The following TPPP3 variants were observed in gnomAD, a reference collection of about 807,000 sequenced individuals.
TPPP3 encodes the protein tubulin polymerization promoting protein family member 3, also known as tubulin polymerization-promoting protein family member 3.
Under a neutral mutation model 13.1 loss-of-function variants are expected in TPPP3, and 7 were observed. The ratio of observed to expected loss-of-function variants is 0.54; its 90% confidence interval spans 0.30 to 1.01. The LOEUF (loss-of-function observed/expected upper bound fraction) is 1.01. Ranked by LOEUF, TPPP3 falls within the 50% of genes least tolerant of loss-of-function variation. TPPP3 has a pLI of 0.06. For synonymous variants in TPPP3, 87 were observed against 93.7 expected (o/e 0.93, Z 0.41); for missense variants, 185 against 235.0 (o/e 0.79, Z 1.39).
chr16:67,390,554 C>G lies in TPPP3; in HGVS notation c.267G>C (p.Gly89=). ...CATCGAAGGCCTCCTCCTTGCTCTT[C>G]CCCTTGAATCTCTTGGTCGCCAGCT... The part of the protein sequence containing the change: ...LEELATKRFK[G]KSKEEAFDAI... The change falls in exon 3 of 4, where the codon GGG becomes GGC. Residue 89 remains glycine (G), a synonymous_variant. Coordinates refer to ENST00000393957, the MANE Select transcript of TPPP3 (RefSeq NM_015964.4). This position sits in a 1 kb window ranked among gnomAD's most constrained non-coding sequence, Gnocchi z 6.4. 1 of 1,614,040 alleles carries G rather than the reference C, an allele frequency of 6.2e-7. No homozygotes were observed. The highest frequency in any genetic ancestry group is 8.5e-7 in the Non-Finnish European group (1 of 1,180,024).
rs1201523269 is a variant in TPPP3, at chr16:67,390,518, CT to C, written c.302del (p.Gln101ArgfsTer22). 1 of 1,613,904 alleles carries C rather than the reference CT, an allele frequency of 6.2e-7. No individual in the cohort carries two copies. The highest frequency in any genetic ancestry group is 8.5e-7 in the Non-Finnish European group (1 of 1,180,022). ...TGGCTGGCTCTTTGCCTGCCACCAG[CT>C]GGCAGATGGCATCGAAGGCCTCCTC... ...SKEEAFDAICQLVAGKEPANV... is the reference protein window; with the variant it reads ...SKEEAFDAICXLVAGKEPANV... On this transcript the variant is annotated frameshift_variant, in exon 3 of 4. Transcript: ENST00000393957. LOFTEE classifies it high-confidence loss of function. The surrounding 1 kb of genome is among the most constrained non-coding windows in gnomAD (Gnocchi z 6.4).
chr16:67,390,904 A>C lies in TPPP3; in HGVS notation c.188+20T>G. The C allele has an allele frequency of 6.2e-7, 1 of 1,608,450 alleles. No homozygotes were observed. Among genetic ancestry groups the C allele is most frequent in the Non-Finnish European group, 8.5e-7 (1 of 1,175,668 alleles). ...CCCACCTCCTGGGAACATGAGAAGC[A>C]GGGGCTGCTTAGGGCTCACTTGACT... is the stretch of plus-strand genomic sequence containing the variant. On this transcript the variant is annotated intron_variant, in intron 2 of 3. Coordinates refer to ENST00000393957, the MANE Select transcript of TPPP3 (RefSeq NM_015964.4). The surrounding 1 kb of genome is among the most constrained non-coding windows in gnomAD (Gnocchi z 6.4).
At position 67,391,406 on chromosome 16, in the gene TPPP3, A is replaced by G; in HGVS notation, c.-6-289T>C. 1 of 345,580 alleles carries G rather than the reference A, an allele frequency of 2.9e-6. No individual in the cohort carries two copies. Among genetic ancestry groups the G allele is most frequent in the Non-Finnish European group, 5.3e-6 (1 of 187,622 alleles). 21.4% of individuals were successfully genotyped at this position (345,580 alleles called of 1,614,324 possible). A position where few individuals can be genotyped will look rare whatever the true frequency, so the allele number is the denominator to read the frequency against. On this transcript the variant is annotated intron_variant, in intron 1 of 3. Transcript: ENST00000393957. This position sits in a 1 kb window ranked among gnomAD's most constrained non-coding sequence, Gnocchi z 6.3. The stretch of plus-strand genomic sequence containing the variant: ...CAGGGAACAGAGTGGCACTGTCCAG[A>G]AAGACTGTTAGGGCAGCAGCTGGGG...
rs2040353407 is a variant in TPPP3, at chr16:67,393,340, A to G, written c.-7+40T>C. The G allele has an allele frequency of 4.4e-5, 43 of 985,410 alleles. No individual in the cohort carries two copies. The highest frequency in any genetic ancestry group is 4.7e-5 in the Non-Finnish European group (39 of 829,970). The allele number at this position is 985,410 out of a possible 1,614,324, so 61.0% of individuals were successfully genotyped here. A position where few individuals can be genotyped will look rare whatever the true frequency, so the allele number is the denominator to read the frequency against. On this transcript the variant is annotated intron_variant, in intron 1 of 3. Transcript: ENST00000393957. This position sits in a 1 kb window ranked among gnomAD's most constrained non-coding sequence, Gnocchi z 5.4. ...CCAACCCTCATCGTGCAGGATACTG[A>G]TTGGGGTGGCGGGCATCTGGGTCTC...
rs1171376095 is a variant in TPPP3, at chr16:67,391,657, A to G, written c.-6-540T>C. On this transcript the variant is annotated intron_variant, in intron 1 of 3. Transcript: ENST00000393957. The surrounding 1 kb of genome is among the most constrained non-coding windows in gnomAD (Gnocchi z 6.3). ...CCCTGGGCAGGGGTGCAGCTGGTCCAGCAAGGCCTTGTTACTATTTGCTGT... is the reference window on the plus strand; with the variant it reads ...CCCTGGGCAGGGGTGCAGCTGGTCCGGCAAGGCCTTGTTACTATTTGCTGT... 1 of 154,274 alleles carries G rather than the reference A, an allele frequency of 6.5e-6. No individual in the cohort carries two copies. The highest frequency in any genetic ancestry group is 1.4e-5 in the Non-Finnish European group (1 of 69,550). 9.6% of individuals were successfully genotyped at this position (154,274 alleles called of 1,614,324 possible). A position where few individuals can be genotyped will look rare whatever the true frequency, so the allele number is the denominator to read the frequency against.
In TPPP3 at chr16:67,390,873, C is replaced by T. The variant is rs759653556; in HGVS notation, c.188+51G>A. On this transcript the variant is annotated intron_variant, in intron 2 of 3. Transcript: ENST00000393957. The surrounding 1 kb of genome is among the most constrained non-coding windows in gnomAD (Gnocchi z 6.4). ...GATGTCCTCCCTGGTTCCAGCCCCC[C>T]AGTTCCCCACCTCCTGGGAACATGA... 7 of 1,576,666 alleles carry T rather than the reference C, an allele frequency of 4.4e-6. No homozygotes were observed. The highest frequency in any genetic ancestry group is 1.1e-5 in the South Asian group (1 of 86,976).
Position 67,390,648 on chromosome 16 carries a change from G to A in TPPP3, c.189-16C>T, listed in dbSNP as rs1174368574. On this transcript the variant is annotated splice_polypyrimidine_tract_variant and intron_variant, in intron 2 of 3. Coordinates refer to ENST00000393957, the MANE Select transcript of TPPP3 (RefSeq NM_015964.4). This position sits in a 1 kb window ranked among gnomAD's most constrained non-coding sequence, Gnocchi z 6.4. ...AGACTTCCCCCTGACAGGCATGTGG[G>A]CACCATGAGGGTTCCCCTTTCTTTT... The A allele has an allele frequency of 6.2e-7, 1 of 1,603,932 alleles. No homozygotes were observed. The highest frequency in any genetic ancestry group is 1.1e-5 in the South Asian group (1 of 89,760).
chr16:67,390,334 C>T lies in TPPP3; in HGVS notation c.371G>A (p.Arg124Gln), dbSNP rs372034237. 3.7e-6 allele frequency: 6 copies of T among 1,614,008 alleles called. No homozygotes were observed. Among genetic ancestry groups the T allele is most frequent in the Non-Finnish European group, 5.1e-6 (6 of 1,179,988 alleles). ...CGTGTATCTGCTGGTGTCCGTCAGCCGGTCTACAGCACCCCCTGTTTTTGC... is the reference window on the plus strand; with the variant it reads ...CGTGTATCTGCTGGTGTCCGTCAGCTGGTCTACAGCACCCCCTGTTTTTGC... The part of the protein sequence containing the change: ...TKAKTGGAVD[R>Q]LTDTSRYTGS... Residue 124 changes from arginine to glutamine, a missense_variant, in exon 4 of 4, where the codon CGG (arginine) becomes CAG (glutamine). Arg to Gln is a conservative substitution (Grantham distance 43, BLOSUM62 1). Transcript: ENST00000393957. The surrounding 1 kb of genome is among the most constrained non-coding windows in gnomAD (Gnocchi z 6.4).
In TPPP3 at chr16:67,392,322, C is replaced by G. The variant is rs1365615725; in HGVS notation, c.-7+1058G>C. On this transcript the variant is annotated intron_variant, in intron 1 of 3. Transcript: ENST00000393957. The surrounding 1 kb of genome is among the most constrained non-coding windows in gnomAD (Gnocchi z 4.9). ...AGCACTAAAGTGCCCCCCACACCCA[C>G]AGCCCTCCGCTGCAGACCCCTGGCC... Among the ~76,000 whole-genome samples, 1 of 151,708 alleles carries G rather than the reference C, an allele frequency of 6.6e-6. No individual in the cohort carries two copies. The highest frequency in any genetic ancestry group is 1.5e-5 in the Non-Finnish European group (1 of 67,888).
Position 67,391,241 on chromosome 16 carries a change from T to C in TPPP3, c.-6-124A>G. On this transcript the variant is annotated intron_variant, in intron 1 of 3. Coordinates refer to ENST00000393957, the MANE Select transcript of TPPP3 (RefSeq NM_015964.4). The surrounding 1 kb of genome is among the most constrained non-coding windows in gnomAD (Gnocchi z 6.3). ...GCAGGTTCTGCTACAGAGTTGGTGC[T>C]GGAGCTGCCTGGGGAGAGGGGCCCG... 2.0e-6 allele frequency: 2 copies of C among 1,006,096 alleles called. No individual in the cohort carries two copies. Among genetic ancestry groups the C allele is most frequent in the Non-Finnish European group, 2.9e-6 (2 of 695,004 alleles). The allele number at this position is 1,006,096 out of a possible 1,614,324, so 62.3% of individuals were successfully genotyped here. A position where few individuals can be genotyped will look rare whatever the true frequency, so the allele number is the denominator to read the frequency against.
Position 67,392,784 on chromosome 16 carries a change from A to G in TPPP3, c.-7+596T>C, listed in dbSNP as rs1281230462. On this transcript the variant is annotated intron_variant, in intron 1 of 3. Transcript: ENST00000393957. This position sits in a 1 kb window ranked among gnomAD's most constrained non-coding sequence, Gnocchi z 4.9. The stretch of plus-strand genomic sequence containing the variant: ...TGCCCGGCTGCCCCATCTTCCACCA[A>G]AAACTCCTCGCCAGTGACCACACTC... Among the ~76,000 whole-genome samples, 1 of 151,998 alleles carries G rather than the reference A, an allele frequency of 6.6e-6. No individual in the cohort carries two copies. The highest frequency in any genetic ancestry group is 2.4e-5 in the African/African-American group (1 of 41,338).
In TPPP3 at chr16:67,392,830, C is replaced by G. The variant is rs1288348599; in HGVS notation, c.-7+550G>C. On this transcript the variant is annotated intron_variant, in intron 1 of 3. Transcript: ENST00000393957. This position sits in a 1 kb window ranked among gnomAD's most constrained non-coding sequence, Gnocchi z 4.9. ...CACTCCCATCCCTAAGTGGCAGTTT[C>G]TGGGACTGTGAGCACCGGTGGTTCC... The G allele has an allele frequency of 2.6e-6, 1 of 378,992 alleles. No individual in the cohort carries two copies. The highest frequency in any genetic ancestry group is 3.6e-6 in the Non-Finnish European group (1 of 275,444). 23.5% of individuals were successfully genotyped at this position (378,992 alleles called of 1,614,324 possible).
At position 67,392,310 on chromosome 16, in the gene TPPP3, C is replaced by T. The variant is rs1347014449; in HGVS notation, c.-7+1070G>A. On this transcript the variant is annotated intron_variant, in intron 1 of 3. Coordinates refer to ENST00000393957, the MANE Select transcript of TPPP3 (RefSeq NM_015964.4). This position sits in a 1 kb window ranked among gnomAD's most constrained non-coding sequence, Gnocchi z 4.9. Reference sequence around the variant, plus strand: ...TACCCACAGTCCAGCACTAAAGTGCCCCCCACACCCACAGCCCTCCGCTGC... The same window carrying T: ...TACCCACAGTCCAGCACTAAAGTGCTCCCCACACCCACAGCCCTCCGCTGC... Among the ~76,000 whole-genome samples, 1 of 151,736 alleles carries T rather than the reference C, an allele frequency of 6.6e-6. No individual in the cohort carries two copies. Among genetic ancestry groups the T allele is most frequent in the Non-Finnish European group, 1.5e-5 (1 of 67,894 alleles).
In TPPP3 at chr16:67,391,173, GC is replaced by G; in HGVS notation, c.-6-57del. On this transcript the variant is annotated intron_variant, in intron 1 of 3. Coordinates refer to ENST00000393957, the MANE Select transcript of TPPP3 (RefSeq NM_015964.4). This position sits in a 1 kb window ranked among gnomAD's most constrained non-coding sequence, Gnocchi z 6.3. Reference sequence around the variant, plus strand: ...CCAATCTGCCCTTCCCCTCCCCCAAGCCCAGAACATCCCAGCCTCTACCTCA... The same window carrying G: ...CCAATCTGCCCTTCCCCTCCCCCAAGCCAGAACATCCCAGCCTCTACCTCA... 1 of 1,554,154 alleles carries G rather than the reference GC, an allele frequency of 6.4e-7. No homozygotes were observed.
chr16:67,390,430 A>G lies in TPPP3; in HGVS notation c.342+49T>C. 6.2e-7 allele frequency: 1 copy of G among 1,606,552 alleles called. No individual in the cohort carries two copies. On this transcript the variant is annotated intron_variant, in intron 3 of 3. Coordinates refer to ENST00000393957, the MANE Select transcript of TPPP3 (RefSeq NM_015964.4). The surrounding 1 kb of genome is among the most constrained non-coding windows in gnomAD (Gnocchi z 6.4). ...CCAGCCCTTCCCACCCACAGCCACG[A>G]TTCCCCACACCCCATTCCGTGGCCA...
rs561708018 is a variant in TPPP3 at position 67,392,582 on chromosome 16, C to G, written c.-7+798G>C. Among the ~76,000 whole-genome samples, 1 of 152,254 alleles carries G rather than the reference C, an allele frequency of 6.6e-6. No homozygotes were observed. Among genetic ancestry groups the G allele is most frequent in the East Asian group, 1.9e-4 (1 of 5,178 alleles). On this transcript the variant is annotated intron_variant, in intron 1 of 3. Transcript: ENST00000393957. The surrounding 1 kb of genome is among the most constrained non-coding windows in gnomAD (Gnocchi z 4.9). ...AGCCTGCACTGAAGGCCCCAGTCCA[C>G]ATCCACACACTAACATTATAAGACT...
At position 67,390,798 on chromosome 16, in the gene TPPP3, G is replaced by T; in HGVS notation, c.188+126C>A. ...CTGGAGGGCAATAGATATAAGGTTT[G>T]CCCTGGAAGAACGACCTTCGTGATC... On this transcript the variant is annotated intron_variant, in intron 2 of 3. Transcript: ENST00000393957. This position sits in a 1 kb window ranked among gnomAD's most constrained non-coding sequence, Gnocchi z 6.4. 3 of 1,402,312 alleles carry T rather than the reference G, an allele frequency of 2.1e-6. No homozygotes were observed. The highest frequency in any genetic ancestry group is 2.9e-6 in the Non-Finnish European group (3 of 1,046,076). The allele number at this position is 1,402,312 out of a possible 1,614,324, so 86.9% of individuals were successfully genotyped here.
chr16:67,390,645 T>C lies in TPPP3; in HGVS notation c.189-13A>G, dbSNP rs769315448. On this transcript the variant is annotated splice_polypyrimidine_tract_variant and intron_variant, in intron 2 of 3. Coordinates refer to ENST00000393957, the MANE Select transcript of TPPP3 (RefSeq NM_015964.4). The surrounding 1 kb of genome is among the most constrained non-coding windows in gnomAD (Gnocchi z 6.4). ...AGCAGACTTCCCCCTGACAGGCATG[T>C]GGGCACCATGAGGGTTCCCCTTTCT... The C allele has an allele frequency of 3.1e-6, 5 of 1,608,130 alleles. No individual in the cohort carries two copies. The highest frequency in any genetic ancestry group is 1.3e-5 in the African/African-American group (1 of 74,834).
chr16:67,390,400 G>A lies in TPPP3; in HGVS notation c.343-38C>T, dbSNP rs1361366345. The A allele has an allele frequency of 6.2e-7, 1 of 1,608,790 alleles. No homozygotes were observed. Among genetic ancestry groups the A allele is most frequent in the Non-Finnish European group, 8.5e-7 (1 of 1,175,892 alleles). On this transcript the variant is annotated intron_variant, in intron 3 of 3. Coordinates refer to ENST00000393957, the MANE Select transcript of TPPP3 (RefSeq NM_015964.4). This position sits in a 1 kb window ranked among gnomAD's most constrained non-coding sequence, Gnocchi z 6.4. ...AGTTTCCCCAGGGGCACCTGATGAGGGAGCCCAGCCCTTCCCACCCACAGC... is the reference window on the plus strand; with the variant it reads ...AGTTTCCCCAGGGGCACCTGATGAGAGAGCCCAGCCCTTCCCACCCACAGC...
Sources: allele counts gnomAD v4.1 joint callset (sites outside exome capture counted in the v4.1 genomes callset), GRCh38; gene constraint gnomAD v4.1.1; non-coding constraint Gnocchi (gnomAD v3.1); transcripts MANE v1.5; gene names NCBI Gene and HGNC (gene_info 2026-07-23, HGNC 2026-07-21).